The following PACRG variants were observed in gnomAD, a reference collection of about 807,000 sequenced individuals.
PACRG encodes the protein parkin coregulated gene protein.
In PACRG, 29 loss-of-function variants were observed where a neutral mutation model predicts 29.7. The observed-to-expected ratio is 0.98, with a 90% CI of 0.73 to 1.33. The LOEUF (loss-of-function observed/expected upper bound fraction) is 1.33, where lower values mean the gene tolerates loss of function less well. Ranked by LOEUF, PACRG falls within the 40% of genes most tolerant of loss-of-function variation. The pLI, the probability that PACRG is intolerant of heterozygous loss-of-function variation, is 0.00. For synonymous variants in PACRG, 116 were observed against 118.7 expected, an observed-to-expected ratio of 0.98 and a Z score of 0.15; for missense variants, 279 against 316.2, an observed-to-expected ratio of 0.88 and a Z score of 0.89.
chr6:163,020,623 G>A (rs563496611), intron 2 of PACRG, among the ~76,000 whole-genome samples: 4 of 152,060 alleles, frequency 2.6e-5, no homozygotes, highest in Non-Finnish European at 1.5e-5. Context: ...ATTTCCCTGC[G>A]ACGACACACA....
chr6:163,138,060 G>A (rs1817008077), intron 4 of PACRG, among the ~76,000 whole-genome samples: 1 of 152,198 alleles, frequency 6.6e-6, no homozygotes, highest in South Asian at 2.1e-4. Flanking sequence ...AAGGAGTGGG[G>A]GAGCCTGTCG....
In PACRG at chr6:162,787,558, TTGTGTG is replaced by T. The variant is rs377437969; in HGVS notation, c.157-26569_157-26564del. On this transcript the variant is annotated intron_variant, in intron 1 of 4. Coordinates refer to ENST00000366888, the MANE Select transcript of PACRG (RefSeq NM_001080379.2). ...GTGTTTGTGTATATATATATGGTTA[TTGTGTG>T]TGTGTGTGTGTGTGTGTGTATATAT... is the stretch of plus-strand genomic sequence containing the variant. Among the ~76,000 whole-genome samples, 149 of 78,844 alleles carry T rather than the reference TTGTGTG, an allele frequency of 1.9e-3. 2 individuals are homozygous for T. The highest frequency in any genetic ancestry group is 6.3e-3 in the African/African-American group (126 of 20,016). 51.7% of individuals were successfully genotyped at this position (78,844 alleles called of 152,430 possible). A position where few individuals can be genotyped will look rare whatever the true frequency, so the allele number is the denominator to read the frequency against.
At chr6:163,206,466 C>T (rs1413435261) in intron 4 of PACRG, among the ~76,000 whole-genome samples, 1 of 152,008 alleles carries the variant, frequency 6.6e-6, no homozygotes. Flanking sequence ...AAAAACAAAT[C>T]CCACATGTTC....
In PACRG at chr6:163,104,397, A is replaced by G. The variant is rs563737533; in HGVS notation, c.613+14989A>G. Among the ~76,000 whole-genome samples, 4 of 152,194 alleles carry G rather than the reference A, an allele frequency of 2.6e-5. 1 individual carries two copies. In the South Asian group the frequency reaches 6.2e-4, roughly 24 times the overall value. On this transcript the variant is annotated intron_variant, in intron 4 of 4. Transcript: ENST00000366888. ...TCTGTGTATGTAGCTGTCTTCGTCC[A>G]TTTTTGTGTTGCTATAACAGAATAG...
At chr6:163,306,694 A>G (rs1280236976) in intron 4 of PACRG, among the ~76,000 whole-genome samples, 1 of 152,222 alleles carries the variant, frequency 6.6e-6, no homozygotes, top group Non-Finnish European at 1.5e-5. Context: ...AGGTTTTCTT[A>G]GAACTTGACT....
intron 4 of PACRG, among the ~76,000 whole-genome samples, chr6:163,298,359 T>C (rs1308967166): frequency 6.6e-6 from 1 of 152,166 alleles, no homozygotes; most frequent in Non-Finnish European, 1.5e-5. Flanking sequence ...TAGCATTTTA[T>C]AGACGCTGGA....
chr6:162,906,036 G>GA (rs1175453738), intron 2 of PACRG, among the ~76,000 whole-genome samples: 2 of 151,838 alleles, frequency 1.3e-5, no homozygotes, highest in African/African-American at 4.8e-5. Context: ...TTTTGATACA[G>GA]AAAAAAAGGG....
upstream of PACRG, chr6:162,727,364 G>A (rs1014831413): frequency 4.2e-6 from 2 of 472,158 alleles, no homozygotes; most frequent in African/African-American, 4.2e-5. Flanking sequence ...ACACGGTCCG[G>A]GGGACCGCGA....
At chr6:162,816,455 C>T (rs1197668809) in intron 2 of PACRG, among the ~76,000 whole-genome samples, 1 of 152,190 alleles carries the variant, frequency 6.6e-6, no homozygotes, top group African/African-American at 2.4e-5. Flanking sequence ...TGGGTTCACG[C>T]CATTCTCCTG....
At chr6:163,088,489 C>T (rs1474715590) in intron 3 of PACRG, among the ~76,000 whole-genome samples, 1 of 152,136 alleles carries the variant, frequency 6.6e-6, no homozygotes, top group Non-Finnish European at 1.5e-5. Context: ...TGGCCAACCT[C>T]GCACAGCCAG....
intron 4 of PACRG, among the ~76,000 whole-genome samples, chr6:163,259,259 G>A (rs891224650): frequency 6.6e-6 from 1 of 152,190 alleles, no homozygotes; most frequent in Non-Finnish European, 1.5e-5. Context: ...GAGAAGACAT[G>A]ATGTTCTATG....
At chr6:162,930,574 C>G (rs1270621019) in intron 2 of PACRG, among the ~76,000 whole-genome samples, 1 of 151,698 alleles carries the variant, frequency 6.6e-6, no homozygotes, top group African/African-American at 2.4e-5. Flanking sequence ...AATTTGGATG[C>G]CCTTTGTTTA....
At position 163,272,889 on chromosome 6, in the gene PACRG, A is replaced by ATTTTTTTTTTTT. The variant is rs1301093605; in HGVS notation, c.614-41936_614-41935insTTTTTTTTTTTT. ...AACAAACATTTGGTAATGATGCATC[A>ATTTTTTTTTTTT]TTCTTTTTTTTTTTTTTTTTGAGAC... On this transcript the variant is annotated intron_variant, in intron 4 of 4. Coordinates refer to ENST00000366888, the MANE Select transcript of PACRG (RefSeq NM_001080379.2). 1.9e-4 allele frequency among the ~76,000 whole-genome samples: 22 copies of ATTTTTTTTTTTT among 117,384 alleles called. 1 individual carries two copies. Among genetic ancestry groups the ATTTTTTTTTTTT allele is most frequent in the African/African-American group, 5.4e-4 (15 of 27,944 alleles). 77.0% of individuals were successfully genotyped at this position (117,384 alleles called of 152,430 possible). A position where few individuals can be genotyped will look rare whatever the true frequency, so the allele number is the denominator to read the frequency against.
intron 2 of PACRG, among the ~76,000 whole-genome samples, chr6:162,937,622 T>C (rs529007283): frequency 6.6e-6 from 1 of 152,182 alleles, no homozygotes; most frequent in African/African-American, 2.4e-5. Flanking sequence ...CCCAAACCAG[T>C]TTCCATTGTA....
intron 2 of PACRG, among the ~76,000 whole-genome samples, chr6:163,017,534 A>G (rs918275515): frequency 2.0e-5 from 3 of 152,202 alleles, no homozygotes; most frequent in Non-Finnish European, 4.4e-5. Flanking sequence ...ACTATTAATA[A>G]TTCCACACTT....
At chr6:162,957,324 A>G in intron 2 of PACRG, 1 of 583,628 alleles carries the variant, frequency 1.7e-6, no homozygotes, top group Non-Finnish European at 3.1e-6. Flanking sequence ...TGTCCTGAAC[A>G]CATTTAGCAC....
chr6:162,887,276 T>C (rs529266307), intron 2 of PACRG, among the ~76,000 whole-genome samples: 2 of 152,212 alleles, frequency 1.3e-5, no homozygotes, highest in Non-Finnish European at 2.9e-5. Flanking sequence ...GAATGGTTGC[T>C]TTCCATCTTG....
At chr6:163,149,513 A>C (rs1020777476) in intron 4 of PACRG, among the ~76,000 whole-genome samples, 1 of 151,720 alleles carries the variant, frequency 6.6e-6, no homozygotes, top group Non-Finnish European at 1.5e-5. Flanking sequence ...TTTTCTATCC[A>C]CCGCGAGCTG....
chr6:162,792,316 A>G (rs932569084), intron 1 of PACRG, among the ~76,000 whole-genome samples: 12 of 152,158 alleles, frequency 7.9e-5, no homozygotes, highest in Non-Finnish European at 1.5e-4. Context: ...AATAGGAGTA[A>G]GGGGCAGGGA....
Sources: allele counts gnomAD v4.1 joint callset (sites outside exome capture counted in the v4.1 genomes callset), GRCh38; gene constraint gnomAD v4.1.1; transcripts MANE v1.5; gene names NCBI Gene and HGNC (gene_info 2026-07-23, HGNC 2026-07-21).